Variants in FOXN2 observed in about 807,000 individuals in gnomAD.
FOXN2 encodes forkhead box N2, also known as forkhead box protein N2.
Under a neutral mutation model 41.2 loss-of-function variants are expected in FOXN2, and 19 were observed. The ratio of observed to expected loss-of-function variants is 0.46; its 90% CI spans 0.32 to 0.68. The LOEUF (loss-of-function observed/expected upper bound fraction) is 0.68. Among genes scored for constraint, FOXN2 ranks in the 30% least tolerant of loss-of-function variants. The pLI is 0.03. For synonymous variants in FOXN2, 195 were observed against 176.8 expected (o/e 1.10, Z -0.82); for missense variants, 587 against 509.4 (o/e 1.15, Z -1.47).
chr2:48,378,134 G>C lies in FOXN2; in HGVS notation c.*2691G>C, dbSNP rs1325302558. 1 of 152,244 alleles carries C rather than the reference G, an allele frequency of 6.6e-6. No individual in the cohort carries two copies. The highest frequency in any genetic ancestry group is 1.5e-5 in the Non-Finnish European group (1 of 67,854). The allele number at this position is 152,244 out of a possible 1,614,324, so 9.4% of individuals were successfully genotyped here. A position where few individuals can be genotyped will look rare whatever the true frequency, so the allele number is the denominator to read the frequency against. Reference sequence around the variant, plus strand: ...TAAAAAGCTTTGATTCAACACAATTGTTCATCTTCACATCCCAAACAGAAT... The same window carrying C: ...TAAAAAGCTTTGATTCAACACAATTCTTCATCTTCACATCCCAAACAGAAT... On this transcript the variant is annotated 3_prime_UTR_variant, in exon 7 of 7. Coordinates refer to ENST00000340553, the MANE Select transcript of FOXN2 (RefSeq NM_002158.4).
At chr2:48,362,156 A>T (rs562938884) in intron 4 of FOXN2, among the ~76,000 whole-genome samples, 2 of 152,234 alleles carry the variant, frequency 1.3e-5, no homozygotes, top group South Asian at 4.1e-4. Context: ...TTTGGCTCCT[A>T]TGCTCTTTCT....
intron 4 of FOXN2, 102 bp from the exon 5 acceptor site, chr2:48,362,541 C>T: frequency 2.1e-6 from 2 of 952,066 alleles, no homozygotes; most frequent in Admixed American, 2.0e-5. Flanking sequence ...TGCACTCCAG[C>T]CTGGGCGGCC....
At chr2:48,333,251 A>T (rs756273565) in intron 2 of FOXN2, among the ~76,000 whole-genome samples, 1 of 152,116 alleles carries the variant, frequency 6.6e-6, no homozygotes, top group South Asian at 2.1e-4. Flanking sequence ...TCTGAATAGT[A>T]TATCTCTTAT....
intron 5 of FOXN2, 150 bp from the exon 6 acceptor site, chr2:48,373,142 A>G (rs187668381): frequency 3.5e-4 from 193 of 545,014 alleles, no homozygotes; most frequent in Non-Finnish European, 8.7e-5. Context: ...AGAATAATAT[A>G]TAATATCTCA....
intron 1 of FOXN2, among the ~76,000 whole-genome samples, chr2:48,316,245 C>T (rs1558605096): frequency 6.6e-6 from 1 of 152,104 alleles, no homozygotes; most frequent in Non-Finnish European, 1.5e-5. Flanking sequence ...TTTTGCCGTT[C>T]TCTGCTGTTT....
intron 1 of FOXN2, among the ~76,000 whole-genome samples, chr2:48,316,893 C>T (rs542549077): frequency 2.6e-4 from 40 of 152,176 alleles, no homozygotes; most frequent in African/African-American, 9.4e-4. Context: ...GTTACAGCAA[C>T]ACCATTTTAT....
chr2:48,352,523 C>G (rs974544576), intron 3 of FOXN2, among the ~76,000 whole-genome samples: 4 of 152,090 alleles, frequency 2.6e-5, no homozygotes, highest in Admixed American at 1.3e-4. Flanking sequence ...CTCATTAATT[C>G]CCATGGCTTA....
intron 2 of FOXN2, among the ~76,000 whole-genome samples, chr2:48,329,616 A>G (rs150147371): frequency 6.6e-6 from 1 of 152,158 alleles, no homozygotes; most frequent in Non-Finnish European, 1.5e-5. Flanking sequence ...TTTATCCCTA[A>G]GAGACCATAA....
At chr2:48,363,511 A>G (rs1672335061) in intron 5 of FOXN2, among the ~76,000 whole-genome samples, 1 of 152,208 alleles carries the variant, frequency 6.6e-6, no homozygotes, top group South Asian at 2.1e-4. Context: ...GTGTACAGTA[A>G]TATCCTAGGC....
intron 1 of FOXN2, among the ~76,000 whole-genome samples, chr2:48,321,994 C>A (rs1255931712): frequency 6.6e-6 from 1 of 152,080 alleles, no homozygotes; most frequent in Admixed American, 6.6e-5. Flanking sequence ...TGTTGCCCAG[C>A]CTGGAGCACA....
intron 1 of FOXN2, among the ~76,000 whole-genome samples, chr2:48,320,725 A>G (rs952067454): frequency 1.3e-5 from 2 of 152,240 alleles, no homozygotes; most frequent in African/African-American, 2.4e-5. Flanking sequence ...TTGTACTACA[A>G]TCTGAAGTCT....
intron 1 of FOXN2, among the ~76,000 whole-genome samples, chr2:48,315,418 C>T (rs866427527): frequency 2.6e-5 from 4 of 152,102 alleles, no homozygotes; most frequent in Non-Finnish European, 5.9e-5. Context: ...TGGGAGCGAC[C>T]CCGGCACCCT....
chr2:48,320,998 C>G lies in FOXN2; in HGVS notation c.-157+6184C>G, dbSNP rs564030801. Among the ~76,000 whole-genome samples the G allele has an allele frequency of 2.1e-4, 32 of 152,004 alleles. No individual in the cohort carries two copies. The South Asian group carries it at 2.9e-3, about 14-fold the overall frequency. ...TTGACTTGAGAGACTTACTCTTTCA[C>G]TTTTCTCTCCTTTTTTTTTTAACTT... On this transcript the variant is annotated intron_variant, in intron 1 of 6. Coordinates refer to ENST00000340553, the MANE Select transcript of FOXN2 (RefSeq NM_002158.4).
In FOXN2 at chr2:48,355,152, A is replaced by G. The variant is rs546110611; in HGVS notation, c.538-3895A>G. On this transcript the variant is annotated intron_variant, in intron 3 of 6. Transcript: ENST00000340553. ...TTTTTAGTAAAAGTTACAAAACCAT[A>G]TGTCCAATAGTATGATTTGTGATAA... is the stretch of plus-strand genomic sequence containing the variant. Among the ~76,000 whole-genome samples the G allele has an allele frequency of 3.4e-4, 52 of 152,318 alleles. 1 individual carries two copies. Among genetic ancestry groups the G allele is most frequent in the African/African-American group, 1.1e-3 (47 of 41,562 alleles).
At chr2:48,373,450 C>T (rs770961437) in intron 6 of FOXN2, 90 bp downstream of exon 6, 116 of 739,882 alleles carry the variant, frequency 1.6e-4, no homozygotes, top group Non-Finnish European at 2.3e-4. Flanking sequence ...ACAAAAATTA[C>T]TTCTTTCCAA....
rs371441788 is a variant in FOXN2, at chr2:48,344,044, A to G, written c.-14-2157A>G. Reference sequence around the variant, plus strand: ...TCTTTAACTGAACACTGGGTACACTAAAGAGTGGTTTTTTGTTTGTTTTTT... The same window carrying G: ...TCTTTAACTGAACACTGGGTACACTGAAGAGTGGTTTTTTGTTTGTTTTTT... On this transcript the variant is annotated intron_variant, in intron 2 of 6. Transcript: ENST00000340553. Among the ~76,000 whole-genome samples, 45 of 152,298 alleles carry G rather than the reference A, an allele frequency of 3.0e-4. 1 individual carries two copies. In the South Asian group the frequency reaches 9.1e-3, roughly 31 times the overall value.
chr2:48,352,718 G>C (rs1671529778), intron 3 of FOXN2, among the ~76,000 whole-genome samples: 2 of 152,136 alleles, frequency 1.3e-5, no homozygotes, highest in African/African-American at 4.8e-5. Context: ...TTGGGTACCT[G>C]CTCTTTGCAA....
At chr2:48,359,711 G>T (rs1178677203) in intron 4 of FOXN2, among the ~76,000 whole-genome samples, 1 of 151,748 alleles carries the variant, frequency 6.6e-6, no homozygotes, top group East Asian at 1.9e-4. Flanking sequence ...CAGGAAATTG[G>T]TGACTTGAGA....
intron 4 of FOXN2, among the ~76,000 whole-genome samples, chr2:48,362,097 A>C (rs1477828107): frequency 6.6e-6 from 1 of 152,176 alleles, no homozygotes; most frequent in Non-Finnish European, 1.5e-5. Flanking sequence ...AGAAGCTAAG[A>C]GATTAATTAT....
Sources: allele counts gnomAD v4.1 joint callset (sites outside exome capture counted in the v4.1 genomes callset), GRCh38; gene constraint gnomAD v4.1.1; transcripts MANE v1.5; gene names NCBI Gene and HGNC (gene_info 2026-07-23, HGNC 2026-07-21).